AUTS2: variants seen among roughly 807,000 people sequenced by gnomAD.
AUTS2 encodes the protein activator of transcription and developmental regulator AUTS2, also known as autism susceptibility gene 2 protein.
AUTS2 carries 17 observed loss-of-function variants against 112.4 expected under a neutral mutation model. The observed-to-expected ratio is 0.15, with a 90% CI of 0.10 to 0.23. AUTS2 has a LOEUF of 0.23. Among genes scored for constraint, AUTS2 ranks in the 10% least tolerant of loss-of-function variants. The pLI is 1.00. For synonymous variants in AUTS2, 751 were observed against 702.7 expected (o/e 1.07, Z -1.09); for missense variants, 1,510 against 1,701.6 (o/e 0.89, Z 1.98).
chr7:69,694,430 G>C (rs1029389421), intron 1 of AUTS2, among the ~76,000 whole-genome samples: 16 of 152,204 alleles, frequency 1.1e-4, no homozygotes, highest in South Asian at 2.1e-4. Context: ...AAAAAAGTTT[G>C]GGTTCTGAGT....
At chr7:70,464,178 G>A (rs1242953800) in intron 5 of AUTS2, among the ~76,000 whole-genome samples, 1 of 152,190 alleles carries the variant, frequency 6.6e-6, no homozygotes, top group Non-Finnish European at 1.5e-5. Flanking sequence ...CTAACACATG[G>A]TAGATGCTCA....
intron 12 of AUTS2, 180 bp downstream of exon 12, chr7:70,774,279 C>G: frequency 1.6e-6 from 1 of 611,282 alleles, no homozygotes; most frequent in Non-Finnish European, 2.9e-6. Context: ...CTCCTGCTCA[C>G]TGCGAGCATA....
intron 2 of AUTS2, among the ~76,000 whole-genome samples, chr7:69,944,272 TA>T (rs1169992100): frequency 2.4e-4 from 37 of 152,160 alleles, no homozygotes; most frequent in Non-Finnish European, 5.9e-5. Flanking sequence ...CTATTCCTAA[TA>T]AAATGGTTTT....
At chr7:70,196,146 G>A (rs1440813682) in intron 4 of AUTS2, among the ~76,000 whole-genome samples, 2 of 152,158 alleles carry the variant, frequency 1.3e-5, no homozygotes, top group Non-Finnish European at 2.9e-5. Context: ...GATCTGTTTG[G>A]GGAAAAAGTA....
intron 4 of AUTS2, among the ~76,000 whole-genome samples, chr7:70,228,551 AG>A (rs1229905592): frequency 6.6e-6 from 1 of 151,458 alleles, no homozygotes; most frequent in Non-Finnish European, 1.5e-5. Context: ...TTTATTACTT[AG>A]TTCATTTTTG....
intron 2 of AUTS2, among the ~76,000 whole-genome samples, chr7:70,049,398 C>T (rs1002349326): frequency 7.9e-5 from 12 of 151,834 alleles, no homozygotes; most frequent in African/African-American, 2.2e-4. Context: ...GGCATGATCT[C>T]GGCTCACTGC....
chr7:70,365,653 G>A (rs1703595034), intron 4 of AUTS2, among the ~76,000 whole-genome samples: 2 of 152,232 alleles, frequency 1.3e-5, no homozygotes, highest in Non-Finnish European at 1.5e-5. Flanking sequence ...CTATTGTCTG[G>A]TAATTGACCA....
chr7:70,277,856 A>G (rs1270144031), intron 4 of AUTS2, among the ~76,000 whole-genome samples: 1 of 152,172 alleles, frequency 6.6e-6, no homozygotes, highest in Non-Finnish European at 1.5e-5. Flanking sequence ...CAAAGAGAGC[A>G]AAAAACTATC....
intron 5 of AUTS2, among the ~76,000 whole-genome samples, chr7:70,529,376 T>C (rs1379734364): frequency 6.6e-6 from 1 of 152,214 alleles, no homozygotes; most frequent in Non-Finnish European, 1.5e-5. Context: ...AGAGTGACTC[T>C]CGTTTTACAA....
chr7:69,941,255 C>G (rs773651507), intron 2 of AUTS2, among the ~76,000 whole-genome samples: 1 of 152,022 alleles, frequency 6.6e-6, no homozygotes, highest in African/African-American at 2.4e-5. Flanking sequence ...ACAGCGTCAG[C>G]AGCACTGCAC....
intron 5 of AUTS2, among the ~76,000 whole-genome samples, chr7:70,598,462 G>A (rs1375350300): frequency 1.3e-5 from 2 of 152,176 alleles, no homozygotes; most frequent in South Asian, 2.1e-4. Context: ...GTTCAAAAAT[G>A]ACACAATTGC....
chr7:70,433,882 A>G (rs190835943), intron 4 of AUTS2, among the ~76,000 whole-genome samples: 1 of 152,320 alleles, frequency 6.6e-6, no homozygotes. Context: ...GTGTTCTGTT[A>G]CTTCCCATTA....
chr7:70,314,345 A>C (rs1185472685), intron 4 of AUTS2, among the ~76,000 whole-genome samples: 1 of 152,240 alleles, frequency 6.6e-6, no homozygotes, highest in East Asian at 1.9e-4. Flanking sequence ...AGTAATATCC[A>C]CCTGGATGTA....
chr7:69,835,086 G>T (rs756481615), intron 1 of AUTS2, among the ~76,000 whole-genome samples: 4 of 151,760 alleles, frequency 2.6e-5, no homozygotes, highest in Admixed American at 1.3e-4. Context: ...AACATCGTGG[G>T]TATTTATCCA....
chr7:70,044,492 A>G (rs1430462035), intron 2 of AUTS2, among the ~76,000 whole-genome samples: 4 of 152,120 alleles, frequency 2.6e-5, no homozygotes, highest in Admixed American at 6.6e-5. Flanking sequence ...TTACTGAGTA[A>G]ATAATATAAT....
chr7:70,011,730 C>A lies in AUTS2; in HGVS notation c.523-106402C>A, dbSNP rs148160599. On this transcript the variant is annotated intron_variant, in intron 2 of 18. Transcript: ENST00000342771. ...TCATCTTTCATATTTCAGAGCAATT[C>A]TTTGCATAATCCAGATTGCTTCTGT... Among the ~76,000 whole-genome samples, 95 of 152,222 alleles carry A rather than the reference C, an allele frequency of 6.2e-4. 1 individual carries two copies. Among genetic ancestry groups the A allele is most frequent in the Admixed American group, 1.7e-3 (26 of 15,288 alleles).
At chr7:69,875,803 A>G (rs1035134090) in intron 1 of AUTS2, among the ~76,000 whole-genome samples, 3 of 152,206 alleles carry the variant, frequency 2.0e-5, no homozygotes, top group Non-Finnish European at 4.4e-5. Flanking sequence ...CAGAGCCTCT[A>G]TGCACCCTCT....
intron 4 of AUTS2, among the ~76,000 whole-genome samples, chr7:70,275,415 C>T (rs1787882158): frequency 6.6e-6 from 1 of 152,044 alleles, no homozygotes; most frequent in Non-Finnish European, 1.5e-5. Context: ...TAGGGAGTTA[C>T]CCATTCATGG....
intron 1 of AUTS2, among the ~76,000 whole-genome samples, chr7:69,891,979 G>C (rs1794546080): frequency 6.7e-6 from 1 of 150,328 alleles, no homozygotes; most frequent in Non-Finnish European, 1.5e-5. Context: ...ATTTTTAGTA[G>C]AGACAGGGTT....
Sources: allele counts gnomAD v4.1 joint callset (sites outside exome capture counted in the v4.1 genomes callset), GRCh38; gene constraint gnomAD v4.1.1; transcripts MANE v1.5; gene names NCBI Gene and HGNC (gene_info 2026-07-23, HGNC 2026-07-21).